Variants in SLC17A1 observed in about 807,000 individuals in gnomAD.
SLC17A1 encodes the protein sodium-dependent phosphate transport protein 1.
SLC17A1 carries 51 observed loss-of-function variants against 53.5 expected under a neutral mutation model. The observed-to-expected ratio is 0.95, with a 90% confidence interval of 0.76 to 1.20. The LOEUF is 1.20. Ranked by LOEUF, SLC17A1 falls within the 50% of genes most tolerant of loss-of-function variation. The pLI, the probability that SLC17A1 is intolerant of heterozygous loss-of-function variation, is 0.00. For missense variants in SLC17A1, 538 were observed against 568.2 expected, an observed-to-expected ratio of 0.95 and a Z score of 0.54; for synonymous variants, 179 against 198.8, an observed-to-expected ratio of 0.90 and a Z score of 0.84.
At chr6:25,740,796 C>T in the SLC17A1 span, among the ~76,000 whole-genome samples, 1 of 152,122 alleles carries the variant, frequency 6.6e-6, no homozygotes, top group Non-Finnish European at 1.5e-5. Context: ...CAATGGATGA[C>T]TGGAATTTAA....
chr6:25,803,206 G>T (rs1430298087), intron 10 of SLC17A1, among the ~76,000 whole-genome samples: 1 of 151,848 alleles, frequency 6.6e-6, no homozygotes, highest in Non-Finnish European at 1.5e-5. Flanking sequence ...CAAAGTGCTG[G>T]GATTACAGGC....
intron 12 of SLC17A1, among the ~76,000 whole-genome samples, chr6:25,787,389 G>A (rs977539060): frequency 2.0e-5 from 3 of 151,644 alleles, no homozygotes; most frequent in African/African-American, 7.3e-5. Flanking sequence ...CTGCCTCACT[G>A]CAGGGCCAGA....
At chr6:25,786,042 T>C (rs1201371093) in intron 12 of SLC17A1, among the ~76,000 whole-genome samples, 2 of 152,226 alleles carry the variant, frequency 1.3e-5, no homozygotes, top group African/African-American at 4.8e-5. Context: ...TAGTGGTCTA[T>C]TCACAGCAGC....
Position 25,830,562 on chromosome 6 carries a change from G to A in SLC17A1, c.-5C>T, listed in dbSNP as rs72542429. On this transcript the variant is annotated 5_prime_UTR_variant, in exon 2 of 13. Transcript: ENST00000244527. ...CAACCGGTTATCCATTTGCATACAC[G>A]GCTGAAGTTGCTTCTCTTCTTGCTG... 7.1e-4 allele frequency: 1,144 copies of A among 1,613,730 alleles called. 5 individuals carry two copies. The African/African-American group carries it at 0.011, about 16-fold the overall frequency.
the SLC17A1 span, among the ~76,000 whole-genome samples, chr6:25,764,331 C>T: frequency 1.3e-5 from 2 of 152,194 alleles, no homozygotes; most frequent in Non-Finnish European, 2.9e-5. Flanking sequence ...GGTATCCTTT[C>T]TCCATATCAA....
At chr6:25,773,225 G>GA in the SLC17A1 span, 1 of 1,413,176 alleles carries the variant, frequency 7.1e-7, no homozygotes, top group Non-Finnish European at 1.0e-6. Context: ...GAGTCAAACT[G>GA]AAAGAAGTAC....
At chr6:25,726,887 G>C in the SLC17A1 span, 4 of 1,598,596 alleles carry the variant, frequency 2.5e-6, no homozygotes, top group Admixed American at 1.7e-5. Context: ...ACCGTGTAAC[G>C]CTGCAGAAGT....
chr6:25,812,969 C>G lies in SLC17A1; in HGVS notation c.759G>C (p.Leu253=). Residue 253 remains leucine (L), a synonymous_variant, in exon 8 of 13, where the codon CTG becomes CTC. Coordinates refer to ENST00000244527, the MANE Select transcript of SLC17A1 (RefSeq NM_005074.5). ...GCGACTTAAGTATAGCCTTGATAGG[C>G]AGAGATTGTCTACTTGAACTGACCT... is the stretch of plus-strand genomic sequence containing the variant. ...VQQVSSSRQS[L]PIKAILKSLP... is the part of the protein sequence containing the mutation. The G allele has an allele frequency of 6.2e-7, 1 of 1,613,896 alleles. No homozygotes were observed. Among genetic ancestry groups the G allele is most frequent in the East Asian group, 2.2e-5 (1 of 44,880 alleles).
chr6:25,727,127 G>A, the SLC17A1 span: 601 of 1,614,204 alleles, frequency 3.7e-4, 1 homozygote, highest in African/African-American at 7.4e-3. Context: ...ATATCTTTGA[G>A]CGTATAGCGA....
chr6:25,767,874 C>T, the SLC17A1 span, among the ~76,000 whole-genome samples: 1 of 152,036 alleles, frequency 6.6e-6, no homozygotes, highest in Non-Finnish European at 1.5e-5. Flanking sequence ...TGAATCAAAA[C>T]TCAGTGGGGG....
chr6:25,762,065 C>A, the SLC17A1 span: 1 of 1,608,280 alleles, frequency 6.2e-7, no homozygotes, highest in Non-Finnish European at 8.5e-7. Flanking sequence ...TAAAATCATG[C>A]ACAGTAATCT....
intron 12 of SLC17A1, among the ~76,000 whole-genome samples, chr6:25,788,999 A>G (rs185056267): frequency 5.7e-5 from 8 of 141,438 alleles, no homozygotes; most frequent in East Asian, 2.0e-4. Context: ...AGGTAGGTAG[A>G]TAGATATGTA....
At chr6:25,787,093 G>A (rs551952958) in intron 12 of SLC17A1, among the ~76,000 whole-genome samples, 1 of 151,434 alleles carries the variant, frequency 6.6e-6, no homozygotes, top group Non-Finnish European at 1.5e-5. Flanking sequence ...GGGTATAGTG[G>A]GGGTGGGATA....
the SLC17A1 span, among the ~76,000 whole-genome samples, chr6:25,728,574 G>T: frequency 6.6e-6 from 1 of 152,132 alleles, no homozygotes; most frequent in African/African-American, 2.4e-5. Context: ...CTGCACTTTG[G>T]GAGGCAGAGG....
At chr6:25,785,934 C>T (rs1259419249) in intron 12 of SLC17A1, among the ~76,000 whole-genome samples, 2 of 152,104 alleles carry the variant, frequency 1.3e-5, no homozygotes, top group Non-Finnish European at 2.9e-5. Flanking sequence ...AAACGTTAAA[C>T]CTAGAATTAC....
At chr6:25,824,590 T>A (rs905362366) in intron 3 of SLC17A1, among the ~76,000 whole-genome samples, 3 of 151,828 alleles carry the variant, frequency 2.0e-5, no homozygotes, top group Admixed American at 2.0e-4. Flanking sequence ...ACGAGATGCC[T>A]TCATGATACA....
the SLC17A1 span, chr6:25,726,534 G>A: frequency 5.4e-5 from 87 of 1,600,314 alleles, no homozygotes; most frequent in Non-Finnish European, 6.4e-5. Flanking sequence ...ACATCTCCTC[G>A]CATCAAATTG....
At chr6:25,726,319 G>T in the SLC17A1 span, 1 of 1,613,966 alleles carries the variant, frequency 6.2e-7, no homozygotes, top group Non-Finnish European at 8.5e-7. Context: ...ATCGCGAGAC[G>T]CATTGCCTGC....
the SLC17A1 span, chr6:25,777,140 G>A: frequency 1.4e-6 from 1 of 689,826 alleles, no homozygotes; most frequent in African/African-American, 1.8e-5. Context: ...GGACCATTGT[G>A]AACTTAGTTT....
Sources: allele counts gnomAD v4.1 joint callset (sites outside exome capture counted in the v4.1 genomes callset), GRCh38; gene constraint gnomAD v4.1.1; transcripts MANE v1.5; gene names NCBI Gene and HGNC (gene_info 2026-07-23, HGNC 2026-07-21).